The following SLC2A10 variants were observed in gnomAD, a reference collection of about 807,000 sequenced individuals.
SLC2A10 encodes solute carrier family 2, facilitated glucose transporter member 10.
A neutral mutation model predicts 32.1 loss-of-function variants in SLC2A10; 25 were observed. The ratio of observed to expected loss-of-function variants is 0.78; its 90% CI spans 0.57 to 1.09. The LOEUF (loss-of-function observed/expected upper bound fraction) is 1.09. Ranked by LOEUF, SLC2A10 falls within the 50% of genes least tolerant of loss-of-function variation. The pLI is 0.00. For synonymous variants in SLC2A10, 332 were observed against 309.6 expected, an observed-to-expected ratio of 1.07 and a Z score of -0.76; for missense variants, 673 against 686.5, an observed-to-expected ratio of 0.98 and a Z score of 0.22.
chr20:46,725,474 C>T lies in SLC2A10; in HGVS notation c.438C>T (p.Gly146=). Residue 146 remains glycine (G), a synonymous_variant, in exon 2 of 5, where the codon GGC becomes GGT. Coordinates refer to ENST00000359271, the MANE Select transcript of SLC2A10 (RefSeq NM_030777.4). The part of the protein sequence containing the change: ...VSLYEAGITV[G]ILLSYALNYA... ...TCTATGAGGCAGGCATCACCGTGGGCATCCTGCTCTCCTATGCCCTCAACT... is the reference window on the plus strand; with the variant it reads ...TCTATGAGGCAGGCATCACCGTGGGTATCCTGCTCTCCTATGCCCTCAACT... 6.2e-7 allele frequency: 1 copy of T among 1,614,176 alleles called. No individual in the cohort carries two copies. Among genetic ancestry groups the T allele is most frequent in the Non-Finnish European group, 8.5e-7 (1 of 1,180,034 alleles).
intron 2 of SLC2A10, 113 bp downstream of exon 2, chr20:46,726,437 G>A: frequency 6.7e-7 from 1 of 1,495,626 alleles, no homozygotes; most frequent in Non-Finnish European, 9.0e-7. Context: ...CACTAGAGGT[G>A]GGTTGACCAT....
rs61516789 is a variant in SLC2A10, at chr20:46,727,009, C to T, written c.1411+23C>T. 1,023 of 1,614,146 alleles carry T rather than the reference C, an allele frequency of 6.3e-4. 7 individuals carry two copies. The African/African-American group carries it at 0.012, about 20-fold the overall frequency. On this transcript the variant is annotated intron_variant, in intron 3 of 4. Transcript: ENST00000359271. ...TTGGTGAGTCCTTCCCAGACAAGTC[C>T]GTTTTTTTTCTGTGGCCCAAGCTCC... is the stretch of plus-strand genomic sequence containing the variant.
Position 46,725,430 on chromosome 20 carries a change from C to T in SLC2A10, c.394C>T (p.Arg132Trp), listed in dbSNP as rs121908173. ...YVSELVGPRQ[R>W]GVLVSLYEAG... ...GTCAGAGCTGGTGGGGCCACGGCAG[C>T]GGGGAGTGCTGGTGTCCCTCTATGA... is the stretch of plus-strand genomic sequence containing the variant. The change falls in exon 2 of 5, where the codon CGG becomes TGG. Residue 132 changes from arginine to tryptophan, a missense_variant. Arg to Trp is a moderately radical substitution (Grantham distance 101). Coordinates refer to ENST00000359271, the MANE Select transcript of SLC2A10 (RefSeq NM_030777.4). The T allele has an allele frequency of 5.6e-5, 91 of 1,613,986 alleles. No individual in the cohort carries two copies. Among genetic ancestry groups the T allele is most frequent in the African/African-American group, 6.7e-5 (5 of 74,904 alleles).
intron 1 of SLC2A10, among the ~76,000 whole-genome samples, chr20:46,722,220 C>T (rs569881800): frequency 2.6e-5 from 4 of 152,084 alleles, no homozygotes; most frequent in South Asian, 4.2e-4. Context: ...ATACCTAACT[C>T]GTGAGGTTAC....
Position 46,725,396 on chromosome 20 carries a change from T to C in SLC2A10, c.360T>C (p.Cys120=). ...FAISLSSMAC[C]IYVSELVGPR... ...TTTCCCTCTCCTCCATGGCTTGCTG[T>C]ATCTACGTGTCAGAGCTGGTGGGGC... Residue 120 remains cysteine, a synonymous_variant, in exon 2 of 5, where the codon TGT becomes TGC. Coordinates refer to ENST00000359271, the MANE Select transcript of SLC2A10 (RefSeq NM_030777.4). 1.2e-6 allele frequency: 2 copies of C among 1,614,192 alleles called. No individual in the cohort carries two copies. Among genetic ancestry groups the C allele is most frequent in the Non-Finnish European group, 1.7e-6 (2 of 1,180,026 alleles).
chr20:46,726,382 T>G, intron 2 of SLC2A10, 58 bp downstream of exon 2: 2 of 1,582,802 alleles, frequency 1.3e-6, no homozygotes, highest in Non-Finnish European at 1.7e-6. Flanking sequence ...TAGGGGGAAG[T>G]TTGGGGACTT....
chr20:46,716,831 T>C (rs985783550), intron 1 of SLC2A10, among the ~76,000 whole-genome samples: 8 of 152,108 alleles, frequency 5.3e-5, no homozygotes, highest in African/African-American at 1.9e-4. Context: ...GAGACCAGCC[T>C]GGCCAACATG....
intron 1 of SLC2A10, among the ~76,000 whole-genome samples, chr20:46,723,637 G>A (rs1979681710): frequency 6.6e-6 from 1 of 152,136 alleles, no homozygotes; most frequent in South Asian, 2.1e-4. Context: ...TCCAACCACT[G>A]AGAATGACAT....
intron 1 of SLC2A10, among the ~76,000 whole-genome samples, chr20:46,724,828 G>A (rs981349133): frequency 1.6e-4 from 24 of 149,828 alleles, no homozygotes; most frequent in Non-Finnish European, 2.5e-4. Context: ...TGGATGGATG[G>A]ATGGATGGAT....
intron 1 of SLC2A10, 87 bp from the exon 2 acceptor site, chr20:46,724,954 G>A (rs147139737): frequency 6.4e-6 from 10 of 1,554,644 alleles, no homozygotes; most frequent in Non-Finnish European, 8.8e-6. Flanking sequence ...ATAAATGAAG[G>A]TGTTGACAGA....
chr20:46,714,228 T>C (rs1979092638), intron 1 of SLC2A10, among the ~76,000 whole-genome samples: 1 of 152,136 alleles, frequency 6.6e-6, no homozygotes, highest in Admixed American at 6.5e-5. Flanking sequence ...TTGGCACCCC[T>C]GGTGAGCAAA....
In SLC2A10 at chr20:46,726,905, C is replaced by T. The variant is rs370547023; in HGVS notation, c.1330C>T (p.Arg444Ter). 10 of 1,614,006 alleles carry T rather than the reference C, an allele frequency of 6.2e-6. No individual in the cohort carries two copies. Among genetic ancestry groups the T allele is most frequent in the African/African-American group, 2.7e-5 (2 of 74,902 alleles). ...VLSEIYPVEI[R>*]GRAFAFCNSF... ...CAGCGAGATCTACCCTGTGGAGATA[C>T]GAGGAAGAGCCTTCGCCTTCTGCAA... Residue 444 changes from arginine (R) to a stop codon, truncating the protein, a stop_gained, in exon 3 of 5, where the codon CGA (arginine) becomes TGA (stop). Transcript: ENST00000359271. LOFTEE classifies it high-confidence loss of function.
intron 2 of SLC2A10, 40 bp from the exon 3 acceptor site, chr20:46,726,823 TC>T (rs758355727): frequency 1.2e-6 from 2 of 1,613,542 alleles, no homozygotes; most frequent in South Asian, 2.2e-5. Flanking sequence ...AGGCCCCAGG[TC>T]CCACCACAGC....
chr20:46,709,382 T>C (rs767204360), upstream of SLC2A10: 12 of 377,680 alleles, frequency 3.2e-5, no homozygotes, highest in Non-Finnish European at 5.2e-5. Context: ...TGGGGTCTTC[T>C]ACCAGGGAGG....
At chr20:46,729,555 T>A in intron 4 of SLC2A10, 67 bp downstream of exon 4, 1 of 1,593,706 alleles carries the variant, frequency 6.3e-7, no homozygotes, top group Non-Finnish European at 8.6e-7. Context: ...AGCTTCAGGA[T>A]TTTAGTCTTT....
At position 46,709,691 on chromosome 20, in the gene SLC2A10, G is replaced by T; in HGVS notation, c.-46G>T. 2.0e-6 allele frequency: 3 copies of T among 1,535,646 alleles called. No homozygotes were observed. The highest frequency in any genetic ancestry group is 2.6e-6 in the Non-Finnish European group (3 of 1,141,712). ...TTGGGGACTCCGGCGGGGGATGCGC[G>T]CCCGGCCCCTCAGCGCCCCCAGCAC... On this transcript the variant is annotated 5_prime_UTR_variant, in exon 1 of 5. Transcript: ENST00000359271.
At chr20:46,729,043 G>T (rs1056095702) in intron 3 of SLC2A10, among the ~76,000 whole-genome samples, 2 of 152,136 alleles carry the variant, frequency 1.3e-5, no homozygotes, top group East Asian at 3.9e-4. Flanking sequence ...GGCTTTCGGA[G>T]CCCAAGCGTG....
Position 46,725,453 on chromosome 20 carries a change from T to C in SLC2A10, c.417T>C (p.Tyr139=), listed in dbSNP as rs572620317. The change falls in exon 2 of 5, where the codon TAT becomes TAC. Residue 139 remains tyrosine, a synonymous_variant. Coordinates refer to ENST00000359271, the MANE Select transcript of SLC2A10 (RefSeq NM_030777.4). ...PRQRGVLVSL[Y]EAGITVGILL... ...AGCGGGGAGTGCTGGTGTCCCTCTA[T>C]GAGGCAGGCATCACCGTGGGCATCC... The C allele has an allele frequency of 2.5e-6, 4 of 1,614,146 alleles. No homozygotes were observed. The highest frequency in any genetic ancestry group is 4.5e-5 in the East Asian group (2 of 44,878).
rs1980442807 is a variant in SLC2A10, at chr20:46,734,029, C to CTT, written c.*195_*196insTT. The CTT allele has an allele frequency of 4.2e-5, 27 of 643,050 alleles. No homozygotes were observed. In the South Asian group the frequency reaches 4.6e-4, roughly 11 times the overall value. 39.8% of individuals were successfully genotyped at this position (643,050 alleles called of 1,614,324 possible). On this transcript the variant is annotated 3_prime_UTR_variant, in exon 5 of 5. Transcript: ENST00000359271. ...CCAACTCTTCATTTTGAGTCTCAGG[C>CTT]CCTGAAGGTTCCTGAGGATCTAGCT...
Sources: gnomAD v4.1 joint callset for allele counts (sites outside exome capture counted in the v4.1 genomes callset) on GRCh38, gnomAD v4.1.1 for gene constraint, MANE v1.5 for transcripts, NCBI Gene and HGNC (gene_info 2026-07-23, HGNC 2026-07-21) for gene names.